Variants in CEP112 observed in about 807,000 individuals in gnomAD.
CEP112 encodes the protein centrosomal protein of 112 kDa.
In CEP112, 127 loss-of-function variants were observed where a neutral mutation model predicts 153.0. The ratio of observed to expected loss-of-function variants is 0.83; its 90% CI spans 0.72 to 0.96. The LOEUF is 0.96. CEP112 is among the 40% of genes least tolerant of loss of function. CEP112 has a pLI of 0.00. For synonymous variants in CEP112, 358 were observed against 374.4 expected, an observed-to-expected ratio of 0.96 and a Z score of 0.51; for missense variants, 1,089 against 1,101.2, an observed-to-expected ratio of 0.99 and a Z score of 0.16.
At chr17:65,699,430 T>G (rs1321083964) in intron 23 of CEP112, among the ~76,000 whole-genome samples, 2 of 152,212 alleles carry the variant, frequency 1.3e-5, no homozygotes, top group Non-Finnish European at 2.9e-5. Context: ...CCCAGTCTGC[T>G]CCCTCGAGTG....
intron 21 of CEP112, among the ~76,000 whole-genome samples, chr17:65,820,800 G>A (rs1249458188): frequency 6.6e-6 from 1 of 151,976 alleles, no homozygotes; most frequent in Admixed American, 6.6e-5. Flanking sequence ...TCTTTAAAAG[G>A]TCATTGAAAA....
chr17:65,781,013 T>C (rs1453981451), intron 21 of CEP112, among the ~76,000 whole-genome samples: 1 of 152,150 alleles, frequency 6.6e-6, no homozygotes, highest in African/African-American at 2.4e-5. Context: ...AGCTATGCTA[T>C]GTCAGATTTG....
rs370115544 is a variant in CEP112 at position 66,048,407 on chromosome 17, A to C, written c.1218+5329T>G. ...AAGGAAGGAGGAATTACTCTAAAGTAAAGCTGGGAAAAAAAAGTTATCCAC... is the reference window on the plus strand; with the variant it reads ...AAGGAAGGAGGAATTACTCTAAAGTCAAGCTGGGAAAAAAAAGTTATCCAC... On this transcript the variant is annotated intron_variant, in intron 12 of 26. Transcript: ENST00000535342. Among the ~76,000 whole-genome samples, 14 of 152,342 alleles carry C rather than the reference A, an allele frequency of 9.2e-5. No homozygotes were observed. The East Asian group carries it at 1.5e-3, about 17-fold the overall frequency.
chr17:65,970,000 T>A (rs980204330), intron 17 of CEP112, among the ~76,000 whole-genome samples: 4 of 151,862 alleles, frequency 2.6e-5, no homozygotes, highest in Non-Finnish European at 5.9e-5. Context: ...GTTACACACA[T>A]ATCACATGTG....
intron 20 of CEP112, among the ~76,000 whole-genome samples, chr17:65,885,461 T>C (rs976177132): frequency 2.6e-5 from 4 of 152,206 alleles, no homozygotes; most frequent in Admixed American, 6.5e-5. Flanking sequence ...AAACAAGTCA[T>C]TGTTTTAAAG....
chr17:65,869,733 G>A (rs1285393478), intron 20 of CEP112, among the ~76,000 whole-genome samples: 3 of 151,562 alleles, frequency 2.0e-5, no homozygotes, highest in East Asian at 1.9e-4. Flanking sequence ...GCAGGCGCCC[G>A]CCACCACATT....
rs543801303 is a variant in CEP112, at chr17:65,752,014, T to C, written c.2395-1290A>G. On this transcript the variant is annotated intron_variant, in intron 21 of 26. Transcript: ENST00000535342. The stretch of plus-strand genomic sequence containing the variant: ...TCTATCTATCTATCTACTGTTCCTT[T>C]CATCCATCCATCCATCCATCCATCC... Among the ~76,000 whole-genome samples, 569 of 81,054 alleles carry C rather than the reference T, an allele frequency of 7.0e-3. 1 individual carries two copies. The highest frequency in any genetic ancestry group is 9.6e-3 in the Non-Finnish European group (379 of 39,574). The allele number at this position is 81,054 out of a possible 152,430, so 53.2% of individuals were successfully genotyped here. A position where few individuals can be genotyped will look rare whatever the true frequency, so the allele number is the denominator to read the frequency against.
chr17:65,834,696 A>G (rs921944361), intron 21 of CEP112, among the ~76,000 whole-genome samples: 7 of 152,178 alleles, frequency 4.6e-5, no homozygotes, highest in African/African-American at 1.7e-4. Flanking sequence ...TCAAAAAATA[A>G]CAGATGCTGG....
intron 18 of CEP112, among the ~76,000 whole-genome samples, chr17:65,930,885 A>C (rs1383904211): frequency 6.6e-6 from 1 of 151,944 alleles, no homozygotes; most frequent in Non-Finnish European, 1.5e-5. Context: ...CAGTCTTTTC[A>C]AAGTTGACTC....
intron 18 of CEP112, among the ~76,000 whole-genome samples, chr17:65,954,204 A>G (rs1822368): frequency 0.48 from 73,030 of 151,974 alleles, 18,542 homozygotes; most frequent in East Asian, 0.89. Context: ...CCCAGTACCA[A>G]CCCACAGCCT....
At chr17:65,916,402 T>C (rs1329210273) in intron 19 of CEP112, among the ~76,000 whole-genome samples, 1 of 152,028 alleles carries the variant, frequency 6.6e-6, no homozygotes, top group Non-Finnish European at 1.5e-5. Context: ...CTTGGAAGAG[T>C]GTTTAGCACA....
chr17:65,897,482 C>G (rs1450855410), intron 20 of CEP112, among the ~76,000 whole-genome samples: 10 of 151,942 alleles, frequency 6.6e-5, no homozygotes, highest in Non-Finnish European at 1.5e-4. Context: ...GATAATAACA[C>G]TTGGAAATTA....
rs143653303 is a variant in CEP112, at chr17:65,791,140, C to T, written c.2395-40416G>A. On this transcript the variant is annotated intron_variant, in intron 21 of 26. Coordinates refer to ENST00000535342, the MANE Select transcript of CEP112 (RefSeq NM_001199165.4). The stretch of plus-strand genomic sequence containing the variant: ...ATTAGTGTAAATCTTTTAGATTTCA[C>T]GAGAGGAAAAATATCAATAAAAGGA... Among the ~76,000 whole-genome samples the T allele has an allele frequency of 3.0e-3, 447 of 151,448 alleles. 1 individual carries two copies. Among genetic ancestry groups the T allele is most frequent in the African/African-American group, 0.01 (425 of 41,220 alleles).
chr17:65,806,215 A>T (rs1350663231), intron 21 of CEP112, among the ~76,000 whole-genome samples: 1 of 152,220 alleles, frequency 6.6e-6, no homozygotes, highest in East Asian at 1.9e-4. Flanking sequence ...GGAAACAAGC[A>T]TGCATAAACA....
chr17:66,035,166 T>C (rs910033584), intron 12 of CEP112, among the ~76,000 whole-genome samples: 4 of 151,364 alleles, frequency 2.6e-5, no homozygotes, highest in African/African-American at 9.7e-5. Context: ...ACTAAGGAAT[T>C]ATTAAAATGA....
chr17:65,642,401 A>G (rs969627489), intron 24 of CEP112, among the ~76,000 whole-genome samples: 6 of 152,188 alleles, frequency 3.9e-5, no homozygotes, highest in African/African-American at 1.2e-4. Context: ...TTAAGACCGA[A>G]CTTTTCTTAC....
intron 20 of CEP112, among the ~76,000 whole-genome samples, chr17:65,887,225 A>G (rs2059311536): frequency 6.6e-6 from 1 of 152,154 alleles, no homozygotes; most frequent in Admixed American, 6.6e-5. Flanking sequence ...CTTGCACTTC[A>G]GAGCTGCATA....
At chr17:66,042,838 C>T (rs1053187270) in intron 12 of CEP112, among the ~76,000 whole-genome samples, 10 of 121,988 alleles carry the variant, frequency 8.2e-5, no homozygotes, top group African/African-American at 2.4e-4. Context: ...AAATCTAAAA[C>T]TATTAAAAAA....
At chr17:65,837,450 C>A (rs1241712639) in intron 21 of CEP112, among the ~76,000 whole-genome samples, 1 of 151,964 alleles carries the variant, frequency 6.6e-6, no homozygotes, top group African/African-American at 2.4e-5. Context: ...CTCTGCCCAG[C>A]CGCTACCCCG....
Sources: gnomAD v4.1 joint callset for allele counts (sites outside exome capture counted in the v4.1 genomes callset) on GRCh38, gnomAD v4.1.1 for gene constraint, MANE v1.5 for transcripts, NCBI Gene and HGNC (gene_info 2026-07-23, HGNC 2026-07-21) for gene names.